The following ABCC1 variants were observed in gnomAD, a reference collection of about 807,000 sequenced individuals.
ABCC1 encodes the protein multidrug resistance-associated protein 1.
In ABCC1, 83 loss-of-function variants were observed where a neutral mutation model predicts 172.9. That is an observed-to-expected ratio of 0.48 (90% confidence interval 0.40 to 0.58). ABCC1 has a LOEUF of 0.58. ABCC1 is among the 20% of genes least tolerant of loss of function. The probability of loss-of-function intolerance (pLI) is 0.00; values close to 1 mark genes in which losing one functional copy is unlikely to be tolerated. For missense variants in ABCC1, 1,817 were observed against 2,002.7 expected (o/e 0.91, Z 1.77); for synonymous variants, 937 against 825.2 (o/e 1.14, Z -2.32).
intron 19 of ABCC1, among the ~76,000 whole-genome samples, chr16:16,101,794 G>A (rs2051764991): frequency 6.6e-6 from 1 of 152,212 alleles, no homozygotes; most frequent in African/African-American, 2.4e-5. Context: ...CTTGATAAAT[G>A]TTGGCTGTCA....
In ABCC1 at chr16:16,141,260, C is replaced by G; in HGVS notation, c.4575C>G (p.Ala1525=). 4 of 1,614,018 alleles carry G rather than the reference C, an allele frequency of 2.5e-6. No individual in the cohort carries two copies. Among genetic ancestry groups the G allele is most frequent in the South Asian group, 1.1e-5 (1 of 91,076 alleles). Residue 1525 remains alanine (A), a synonymous_variant, in exon 31 of 31, where the codon GCC becomes GCG. Coordinates refer to ENST00000399410, the MANE Select transcript of ABCC1 (RefSeq NM_004996.4). ...AGAGAGGTCTTTTCTACAGCATGGCCAAAGACGCCGGCTTGGTGTGAGCCC... is the reference window on the plus strand; with the variant it reads ...AGAGAGGTCTTTTCTACAGCATGGCGAAAGACGCCGGCTTGGTGTGAGCCC... ...LQQRGLFYSM[A]KDAGLV
chr16:16,043,148 C>T (rs1597161883), intron 7 of ABCC1, among the ~76,000 whole-genome samples: 1 of 151,488 alleles, frequency 6.6e-6, no homozygotes, highest in East Asian at 1.9e-4. Context: ...CAGGCATGAA[C>T]CACTGCACCC....
chr16:16,134,583 A>G (rs866296162), intron 28 of ABCC1, 75 bp downstream of exon 28: 1 of 1,225,274 alleles, frequency 8.2e-7, no homozygotes, highest in Non-Finnish European at 1.1e-6. Context: ...TGGTGTATGT[A>G]TATTTTTGGG....
At chr16:15,957,646 A>G (rs950669925) in intron 1 of ABCC1, among the ~76,000 whole-genome samples, 1 of 152,176 alleles carries the variant, frequency 6.6e-6, no homozygotes, top group Non-Finnish European at 1.5e-5. Flanking sequence ...GCCAGGCTGG[A>G]GTGCAGTGGC....
At chr16:16,010,447 G>T (rs1018182920) in intron 3 of ABCC1, among the ~76,000 whole-genome samples, 1 of 152,072 alleles carries the variant, frequency 6.6e-6, no homozygotes, top group Admixed American at 6.6e-5. Context: ...GCCCCCTTTT[G>T]TTGCGTTTGC....
intron 7 of ABCC1, among the ~76,000 whole-genome samples, chr16:16,040,741 G>GCCT (rs2048944333): frequency 6.6e-6 from 1 of 152,060 alleles, no homozygotes; most frequent in Admixed American, 6.6e-5. Context: ...TCCTGCCTCA[G>GCCT]CCTCCCAAAT....
At chr16:16,067,270 G>A (rs531458219) in intron 12 of ABCC1, among the ~76,000 whole-genome samples, 11 of 152,150 alleles carry the variant, frequency 7.2e-5, no homozygotes, top group South Asian at 6.3e-4. Flanking sequence ...TCTTGACATC[G>A]GAGCCTGGAA....
Position 16,090,561 on chromosome 16 carries a change from G to C in ABCC1, c.2617G>C (p.Glu873Gln). The change falls in exon 19 of 31, where the codon GAG (glutamate) becomes CAG (glutamine). Residue 873 changes from glutamate to glutamine, a missense_variant. By Grantham distance (29) the Glu-to-Gln change is conservative. Around this residue, in one of 3 missense-constraint regions of ABCC1, gnomAD observed 1,412 missense variants for 1,600.3 expected, o/e 0.88. Transcript: ENST00000399410. Reference sequence around the variant, plus strand: ...GTTCCTGCGTACCTATGCCAGCACAGAGCAGGAGCAGGATGCAGAGGAGAA... The same window carrying C: ...GTTCCTGCGTACCTATGCCAGCACACAGCAGGAGCAGGATGCAGAGGAGAA... ...AEFLRTYAST[E>Q]QEQDAEENGV... 10 of 1,609,098 alleles carry C rather than the reference G, an allele frequency of 6.2e-6. No individual in the cohort carries two copies. The highest frequency in any genetic ancestry group is 1.1e-5 in the South Asian group (1 of 90,802).
intron 5 of ABCC1, among the ~76,000 whole-genome samples, chr16:16,026,366 G>A (rs1004650141): frequency 1.3e-5 from 2 of 149,910 alleles, no homozygotes; most frequent in African/African-American, 2.5e-5. Context: ...TTTGGGAAGC[G>A]GAGGCTGCAG....
At chr16:16,030,042 A>G (rs192635606) in intron 5 of ABCC1, among the ~76,000 whole-genome samples, 21 of 152,244 alleles carry the variant, frequency 1.4e-4, no homozygotes, top group Admixed American at 1.4e-3. Flanking sequence ...CTCTGTGGTG[A>G]TCGAATAAAT....
intron 20 of ABCC1, among the ~76,000 whole-genome samples, chr16:16,104,076 C>T (rs1274722416): frequency 2.6e-5 from 4 of 151,980 alleles, no homozygotes; most frequent in African/African-American, 9.7e-5. Flanking sequence ...TGGGTTTGTG[C>T]TCTGGCTGGC....
intron 3 of ABCC1, 51 bp downstream of exon 3, chr16:16,009,952 G>A (rs905380754): frequency 1.1e-5 from 15 of 1,354,210 alleles, no homozygotes; most frequent in Non-Finnish European, 1.5e-5. Flanking sequence ...GCTCAGTGGA[G>A]ACCAAAAGTA....
At chr16:16,080,283 A>G (rs2050757464) in intron 16 of ABCC1, among the ~76,000 whole-genome samples, 1 of 152,210 alleles carries the variant, frequency 6.6e-6, no homozygotes, top group South Asian at 2.1e-4. Context: ...GTAACAAAAC[A>G]AAAATGTTTA....
At chr16:15,992,206 T>A (rs1399291551) in intron 1 of ABCC1, among the ~76,000 whole-genome samples, 1 of 151,806 alleles carries the variant, frequency 6.6e-6, no homozygotes, top group Non-Finnish European at 1.5e-5. Flanking sequence ...TGGGACCATC[T>A]AGTTGCAGGA....
rs577631622 is a variant in ABCC1, at chr16:15,951,883, T to G, written c.48+2084T>G. On this transcript the variant is annotated intron_variant, in intron 1 of 30. Transcript: ENST00000399410. ...TTTTGTATTTTTTATAGAGACAGAT[T>G]CGCACTATATTGCCCAGGCTGGTCT... Among the ~76,000 whole-genome samples the G allele has an allele frequency of 1.8e-4, 28 of 152,288 alleles. 1 individual carries two copies. In the East Asian group the frequency reaches 4.1e-3, roughly 22 times the overall value.
chr16:16,040,506 C>T (rs1567339352), intron 7 of ABCC1, among the ~76,000 whole-genome samples: 1 of 151,984 alleles, frequency 6.6e-6, no homozygotes, highest in Non-Finnish European at 1.5e-5. Flanking sequence ...AGTCTAGTGT[C>T]AAACTCCTGA....
intron 1 of ABCC1, among the ~76,000 whole-genome samples, chr16:15,999,435 G>T (rs1375444162): frequency 6.6e-6 from 1 of 151,814 alleles, no homozygotes; most frequent in Non-Finnish European, 1.5e-5. Context: ...GACCAACATG[G>T]AGAAACCCCA....
At chr16:16,040,924 T>C (rs2151862818) in intron 7 of ABCC1, among the ~76,000 whole-genome samples, 1 of 151,962 alleles carries the variant, frequency 6.6e-6, no homozygotes, top group African/African-American at 2.4e-5. Flanking sequence ...GAGCCGCCAT[T>C]GTATTTATTT....
Position 16,089,188 on chromosome 16 carries a change from G to A in ABCC1, c.2461-1217G>A, listed in dbSNP as rs3888565. Among the ~76,000 whole-genome samples the A allele has an allele frequency of 0.24, 36,917 of 152,136 alleles. 5,751 individuals carry two copies. Among genetic ancestry groups the A allele is most frequent in the African/African-American group, 0.45 (18,636 of 41,458 alleles). On this transcript the variant is annotated intron_variant, in intron 18 of 30. Transcript: ENST00000399410. ...AAACTTTCAGATTTGCAGATAAAATGTATGCATGTGCATATTTTGTAGTGG... is the reference window on the plus strand; with the variant it reads ...AAACTTTCAGATTTGCAGATAAAATATATGCATGTGCATATTTTGTAGTGG...
Sources: gnomAD v4.1 joint callset for allele counts (sites outside exome capture counted in the v4.1 genomes callset) on GRCh38, gnomAD v4.1.1 for gene constraint, gnomAD v4.1.1 regional missense constraint, MANE v1.5 for transcripts, NCBI Gene and HGNC (gene_info 2026-07-23, HGNC 2026-07-21) for gene names.